DESI2: variants seen among roughly 807,000 people sequenced by gnomAD.
The protein encoded by DESI2 is deubiquitinase DESI2.
In DESI2, 10 loss-of-function variants were observed where a neutral mutation model predicts 24.1. That is an observed-to-expected ratio of 0.41 (90% CI 0.26 to 0.70). DESI2 has a LOEUF of 0.70. Among genes scored for constraint, DESI2 ranks in the 30% least tolerant of loss-of-function variants. The pLI is 0.29. For missense variants in DESI2, 122 were observed against 234.9 expected, an observed-to-expected ratio of 0.52 and a Z score of 3.14; for synonymous variants, 71 against 87.7, an observed-to-expected ratio of 0.81 and a Z score of 1.06.
At chr1:244,662,284 A>G (rs1290240857) in intron 1 of DESI2, among the ~76,000 whole-genome samples, 1 of 152,160 alleles carries the variant, frequency 6.6e-6, no homozygotes, top group Non-Finnish European at 1.5e-5. Flanking sequence ...GCTAATTTTC[A>G]GTGTCATTAG....
At chr1:244,696,517 G>A (rs1677221298) in intron 4 of DESI2, among the ~76,000 whole-genome samples, 1 of 152,212 alleles carries the variant, frequency 6.6e-6, no homozygotes, top group South Asian at 2.1e-4. Flanking sequence ...CTGCTTGGGA[G>A]GCTGAGGTAG....
At chr1:244,671,368 G>A (rs549507516) in intron 1 of DESI2, among the ~76,000 whole-genome samples, 113 of 152,260 alleles carry the variant, frequency 7.4e-4, no homozygotes, top group African/African-American at 2.7e-3. Flanking sequence ...CCACTTTTGT[G>A]TGCTAACCTT....
chr1:244,679,618 C>G (rs1369004251), intron 1 of DESI2, among the ~76,000 whole-genome samples: 1 of 152,202 alleles, frequency 6.6e-6, no homozygotes, highest in Non-Finnish European at 1.5e-5. Flanking sequence ...CGCCTGTAAT[C>G]CCAGCACTTT....
chr1:244,667,617 G>A (rs1356681305), intron 1 of DESI2, among the ~76,000 whole-genome samples: 1 of 152,212 alleles, frequency 6.6e-6, no homozygotes, highest in East Asian at 1.9e-4. Context: ...CTGATTCCAG[G>A]TTGTACCACA....
intron 1 of DESI2, among the ~76,000 whole-genome samples, chr1:244,661,416 T>C (rs1675835773): frequency 6.6e-6 from 1 of 152,204 alleles, no homozygotes. Context: ...TTTTCTTTTT[T>C]TTTATTATTA....
intron 4 of DESI2, chr1:244,694,787 T>C: frequency 1.8e-6 from 1 of 556,374 alleles, no homozygotes; most frequent in South Asian, 2.2e-5. Context: ...TGCTTATTTG[T>C]TTACCTGTTT....
intron 4 of DESI2, among the ~76,000 whole-genome samples, chr1:244,697,735 A>G (rs934225949): frequency 6.6e-5 from 10 of 152,152 alleles, no homozygotes; most frequent in African/African-American, 2.4e-4. Context: ...AGCCCAGGTA[A>G]TACCTTCAGT....
chr1:244,700,567 C>T (rs1677407770), intron 4 of DESI2, among the ~76,000 whole-genome samples: 1 of 152,090 alleles, frequency 6.6e-6, no homozygotes, highest in Admixed American at 6.5e-5. Context: ...AAACTTTTAT[C>T]TGGGCATTCA....
chr1:244,663,115 G>T (rs1459606968), intron 1 of DESI2, among the ~76,000 whole-genome samples: 2 of 151,828 alleles, frequency 1.3e-5, no homozygotes, highest in East Asian at 3.9e-4. Flanking sequence ...AGGGTCAAAA[G>T]GATCAAGTGA....
At chr1:244,667,955 G>A (rs1676105311) in intron 1 of DESI2, among the ~76,000 whole-genome samples, 1 of 152,184 alleles carries the variant, frequency 6.6e-6, no homozygotes, top group African/African-American at 2.4e-5. Flanking sequence ...CATAATTTAC[G>A]TATTTTACAT....
chr1:244,701,758 A>ATAG (rs1247915303), intron 4 of DESI2, among the ~76,000 whole-genome samples: 1 of 152,204 alleles, frequency 6.6e-6, no homozygotes, highest in African/African-American at 2.4e-5. Flanking sequence ...TTTTTCACTA[A>ATAG]TAGTATATCC....
At chr1:244,657,980 G>C (rs1675706590) in intron 1 of DESI2, among the ~76,000 whole-genome samples, 1 of 152,072 alleles carries the variant, frequency 6.6e-6, no homozygotes, top group Admixed American at 6.6e-5. Flanking sequence ...GGGTGAGGAA[G>C]GCAAAAAGTT....
chr1:244,691,906 C>T lies in DESI2; in HGVS notation c.237C>T (p.Asp79=). The T allele has an allele frequency of 6.3e-7, 1 of 1,587,806 alleles. No homozygotes were observed. The highest frequency in any genetic ancestry group is 8.5e-7 in the Non-Finnish European group (1 of 1,173,374). Residue 79 remains aspartate (D), a synonymous_variant, in exon 4 of 5, where the codon GAC becomes GAT. Transcript: ENST00000302550. Reference sequence around the variant, plus strand: ...AAGCTGTTGTTTTAGGGAGCACGGACTTCCTAGAAGATGATATAGAAAAAA... The same window carrying T: ...AAGCTGTTGTTTTAGGGAGCACGGATTTCCTAGAAGATGATATAGAAAAAA... The part of the protein sequence containing the change: ...FKEAVVLGST[D]FLEDDIEKIV...
At position 244,695,380 on chromosome 1, in the gene DESI2, A is replaced by T. The variant is rs533898928; in HGVS notation, c.351+3360A>T. Reference sequence around the variant, plus strand: ...TTAAAATTAATATTTTCGGCCAGGCATGGTGGCTCACACCTGTAATCCCAG... The same window carrying T: ...TTAAAATTAATATTTTCGGCCAGGCTTGGTGGCTCACACCTGTAATCCCAG... On this transcript the variant is annotated intron_variant, in intron 4 of 4. Transcript: ENST00000302550. 3.9e-5 allele frequency among the ~76,000 whole-genome samples: 6 copies of T among 152,352 alleles called. No homozygotes were observed. In the South Asian group the frequency reaches 1.2e-3, roughly 32 times the overall value.
At chr1:244,672,617 G>A (rs1676284021) in intron 1 of DESI2, among the ~76,000 whole-genome samples, 1 of 152,160 alleles carries the variant, frequency 6.6e-6, no homozygotes, top group Non-Finnish European at 1.5e-5. Context: ...GGTGGCTCAT[G>A]CCTGTAACCC....
At position 244,692,110 on chromosome 1, in the gene DESI2, T is replaced by G; in HGVS notation, c.351+90T>G. ...CCCACTATATTCGATCTTGATTCAC[T>G]TCTTTTCCGATTTTTTGTGTTGTAT... is the stretch of plus-strand genomic sequence containing the variant. On this transcript the variant is annotated intron_variant, in intron 4 of 4. Transcript: ENST00000302550. The G allele has an allele frequency of 5.2e-6, 6 of 1,161,456 alleles. 1 individual carries two copies. In the South Asian group the frequency reaches 7.3e-5, roughly 14 times the overall value. 71.9% of individuals were successfully genotyped at this position (1,161,456 alleles called of 1,614,324 possible).
At chr1:244,664,997 A>G (rs1265789272) in intron 1 of DESI2, among the ~76,000 whole-genome samples, 2 of 152,104 alleles carry the variant, frequency 1.3e-5, no homozygotes, top group Admixed American at 1.3e-4. Flanking sequence ...GGCACATACT[A>G]TGTTTATGTT....
chr1:244,689,090 T>G lies in DESI2; in HGVS notation c.116-159T>G, dbSNP rs570119649. 6.6e-6 allele frequency among the ~76,000 whole-genome samples: 1 copy of G among 152,372 alleles called. No individual in the cohort carries two copies. The highest frequency in any genetic ancestry group is 2.1e-4 in the South Asian group (1 of 4,832). Reference sequence around the variant, plus strand: ...TTTCGGGTCTTTTGTGACAACTGTTTATACGAGTAATAGCTAAGTGAGATA... The same window carrying G: ...TTTCGGGTCTTTTGTGACAACTGTTGATACGAGTAATAGCTAAGTGAGATA... On this transcript the variant is annotated intron_variant, in intron 2 of 4. Transcript: ENST00000302550. This position sits in a 1 kb window ranked among gnomAD's most constrained non-coding sequence, Gnocchi z 4.0.
intron 1 of DESI2, among the ~76,000 whole-genome samples, chr1:244,669,882 T>C (rs1449404735): frequency 6.6e-6 from 1 of 152,178 alleles, no homozygotes; most frequent in Admixed American, 6.5e-5. Flanking sequence ...TTCACTAATA[T>C]ATAGGCATCC....
Sources: allele counts gnomAD v4.1 joint callset (sites outside exome capture counted in the v4.1 genomes callset), GRCh38; gene constraint gnomAD v4.1.1; non-coding constraint Gnocchi (gnomAD v3.1); transcripts MANE v1.5; gene names NCBI Gene and HGNC (gene_info 2026-07-23, HGNC 2026-07-21).